The following TMEM117 variants were observed in gnomAD, a reference collection of about 807,000 sequenced individuals.
The protein encoded by TMEM117 is transmembrane protein 117.
In TMEM117, 27 loss-of-function variants were observed where a neutral mutation model predicts 52.4. The ratio of observed to expected loss-of-function variants is 0.51; its 90% CI spans 0.38 to 0.71. The LOEUF (loss-of-function observed/expected upper bound fraction) is 0.71, where lower values mean the gene tolerates loss of function less well. Ranked by LOEUF, TMEM117 falls within the 30% of genes least tolerant of loss-of-function variation. The probability of loss-of-function intolerance (pLI) is 0.00; values close to 1 mark genes in which losing one functional copy is unlikely to be tolerated. For synonymous variants in TMEM117, 215 were observed against 206.3 expected (o/e 1.04, Z -0.36); for missense variants, 556 against 630.5 (o/e 0.88, Z 1.26).
intron 3 of TMEM117, among the ~76,000 whole-genome samples, chr12:43,990,206 T>C (rs778947623): frequency 1.3e-5 from 2 of 152,212 alleles, no homozygotes; most frequent in Non-Finnish European, 1.5e-5. Flanking sequence ...CTGTCATTCC[T>C]GGCAGCTGTT....
At chr12:43,797,939 A>G in the TMEM117 span, 2 of 1,149,360 alleles carry the variant, frequency 1.7e-6, no homozygotes, top group South Asian at 1.7e-5. Context: ...CCCTAGCCCA[A>G]CCTATAATTA....
chr12:43,829,359 G>A, the TMEM117 span, among the ~76,000 whole-genome samples: 1 of 152,312 alleles, frequency 6.6e-6, no homozygotes, highest in Non-Finnish European at 1.5e-5. Flanking sequence ...TAGATGATGA[G>A]TACCCTAAGG....
At chr12:44,295,176 G>T (rs1177937014) in intron 5 of TMEM117, among the ~76,000 whole-genome samples, 1 of 151,914 alleles carries the variant, frequency 6.6e-6, no homozygotes, top group Non-Finnish European at 1.5e-5. Flanking sequence ...CCATAGGTTA[G>T]TATGCTCTCT....
chr12:44,306,638 T>C (rs762922650), intron 6 of TMEM117, among the ~76,000 whole-genome samples: 2 of 152,230 alleles, frequency 1.3e-5, no homozygotes, highest in South Asian at 2.1e-4. Flanking sequence ...GGAAGTGTTT[T>C]ATCAATTTTT....
At chr12:44,344,238 T>C (rs983359311) in intron 6 of TMEM117, among the ~76,000 whole-genome samples, 1 of 152,122 alleles carries the variant, frequency 6.6e-6, no homozygotes, top group Non-Finnish European at 1.5e-5. Flanking sequence ...AGAGTCATCA[T>C]ATGTTTTTAT....
chr12:43,979,613 G>A lies in TMEM117; in HGVS notation c.410+35271G>A, dbSNP rs149361154. 6.5e-3 allele frequency among the ~76,000 whole-genome samples: 983 copies of A among 152,234 alleles called. 3 individuals are homozygous for A. Among genetic ancestry groups the A allele is most frequent in the Admixed American group, 0.017 (264 of 15,288 alleles). ...AACTATAGGCCAATCTTGAGGAATC[G>A]CTGTGGGGGAAGGGAGGGCCTGTTG... On this transcript the variant is annotated intron_variant, in intron 3 of 7. Transcript: ENST00000266534.
At chr12:44,000,871 A>G (rs1035952439) in intron 3 of TMEM117, among the ~76,000 whole-genome samples, 4 of 152,146 alleles carry the variant, frequency 2.6e-5, no homozygotes, top group Non-Finnish European at 5.9e-5. Context: ...TAGAAAAGAG[A>G]AAAACCAGTT....
intron 3 of TMEM117, among the ~76,000 whole-genome samples, chr12:44,014,195 C>A (rs187277642): frequency 6.6e-6 from 1 of 152,112 alleles, no homozygotes; most frequent in African/African-American, 2.4e-5. Context: ...TGCAGGTAGA[C>A]GGGCCATGGC....
the TMEM117 span, among the ~76,000 whole-genome samples, chr12:43,803,700 A>G: frequency 3.3e-5 from 5 of 152,216 alleles, no homozygotes; most frequent in African/African-American, 1.2e-4. Context: ...ATATACATAT[A>G]TTCCTATTGA....
At chr12:44,039,463 A>T (rs1375957428) in intron 3 of TMEM117, among the ~76,000 whole-genome samples, 1 of 151,238 alleles carries the variant, frequency 6.6e-6, no homozygotes, top group Non-Finnish European at 1.5e-5. Flanking sequence ...AAACTTTGAC[A>T]ATTCTTGGGC....
chr12:44,276,677 G>A (rs1330575924), intron 5 of TMEM117, among the ~76,000 whole-genome samples: 1 of 152,070 alleles, frequency 6.6e-6, no homozygotes, highest in Admixed American at 6.6e-5. Context: ...TAATGCATAT[G>A]TCAAATAGCT....
intron 5 of TMEM117, among the ~76,000 whole-genome samples, chr12:44,264,652 A>C (rs1950356084): frequency 2.0e-5 from 3 of 152,126 alleles, no homozygotes. Context: ...AGAAGGATGA[A>C]ACTGCTCACA....
chr12:43,912,618 G>A (rs1294266940), intron 2 of TMEM117, among the ~76,000 whole-genome samples: 1 of 149,804 alleles, frequency 6.7e-6, no homozygotes, highest in Admixed American at 6.6e-5. Context: ...AAGAGTGCCT[G>A]GTACATATTA....
intron 3 of TMEM117, among the ~76,000 whole-genome samples, chr12:44,030,372 G>C (rs1946613623): frequency 6.6e-6 from 1 of 152,190 alleles, no homozygotes; most frequent in African/African-American, 2.4e-5. Flanking sequence ...GTCTAGCTAT[G>C]CTGGATTCAG....
chr12:43,938,861 A>G (rs1243140692), intron 2 of TMEM117, among the ~76,000 whole-genome samples: 1 of 151,974 alleles, frequency 6.6e-6, no homozygotes, highest in African/African-American at 2.4e-5. Context: ...TTAGCCAGGC[A>G]CGGTGGCGTG....
At chr12:43,883,486 T>C (rs1391869234) in intron 2 of TMEM117, among the ~76,000 whole-genome samples, 1 of 152,176 alleles carries the variant, frequency 6.6e-6, no homozygotes, top group Non-Finnish European at 1.5e-5. Context: ...CCAGAAACAG[T>C]AAGACAGTTA....
chr12:44,273,123 A>G (rs965755166), intron 5 of TMEM117, among the ~76,000 whole-genome samples: 3 of 152,310 alleles, frequency 2.0e-5, no homozygotes, highest in Admixed American at 1.3e-4. Flanking sequence ...TCACAAGGAC[A>G]GAAAACCAAA....
At chr12:43,933,889 G>A (rs1944911103) in intron 2 of TMEM117, among the ~76,000 whole-genome samples, 2 of 151,996 alleles carry the variant, frequency 1.3e-5, no homozygotes, top group Non-Finnish European at 2.9e-5. Context: ...AATCTCTAAT[G>A]GTTCAGGAAA....
At chr12:44,180,412 T>A (rs1340007381) in intron 4 of TMEM117, among the ~76,000 whole-genome samples, 1 of 151,772 alleles carries the variant, frequency 6.6e-6, no homozygotes, top group Non-Finnish European at 1.5e-5. Context: ...TGCAGGTTAG[T>A]TACATATGTA....
Sources: allele counts gnomAD v4.1 joint callset (sites outside exome capture counted in the v4.1 genomes callset), GRCh38; gene constraint gnomAD v4.1.1; transcripts MANE v1.5; gene names NCBI Gene and HGNC (gene_info 2026-07-23, HGNC 2026-07-21).